WWTR1: variants seen among roughly 807,000 people sequenced by gnomAD.
The protein encoded by WWTR1 is WW domain-containing transcription regulator protein 1.
A neutral mutation model predicts 40.1 loss-of-function variants in WWTR1; 13 were observed. The observed-to-expected ratio is 0.32, with a 90% confidence interval of 0.21 to 0.52. The LOEUF (loss-of-function observed/expected upper bound fraction) is 0.52, where lower values mean the gene tolerates loss of function less well. WWTR1 is among the 20% of genes least tolerant of loss of function. The pLI is 0.97. For synonymous variants in WWTR1, 230 were observed against 210.1 expected (o/e 1.09, Z -0.82); for missense variants, 436 against 523.1 (o/e 0.83, Z 1.63).
chr3:149,620,335 C>T (rs1478620138), intron 2 of WWTR1, among the ~76,000 whole-genome samples: 1 of 152,146 alleles, frequency 6.6e-6, no homozygotes, highest in Non-Finnish European at 1.5e-5. Context: ...ACCTGAGGAT[C>T]TAACTGGATC....
At chr3:149,717,707 G>A (rs1439528597) in intron 4 of WWTR1, 1 of 152,186 alleles carries the variant, frequency 6.6e-6, no homozygotes, top group African/African-American at 2.4e-5. Context: ...GAAAGACTTT[G>A]AAAATTTCCT....
intron 4 of WWTR1, among the ~76,000 whole-genome samples, chr3:149,539,458 C>T (rs1576545793): frequency 6.6e-6 from 1 of 152,132 alleles, no homozygotes; most frequent in East Asian, 1.9e-4. Context: ...CTAGGCCTAC[C>T]TGCAGGGCCT....
At chr3:149,557,444 G>C (rs1024589922) in intron 3 of WWTR1, among the ~76,000 whole-genome samples, 1 of 152,096 alleles carries the variant, frequency 6.6e-6, no homozygotes, top group Non-Finnish European at 1.5e-5. Context: ...GGGAAGTACA[G>C]GAGAACTCCC....
Position 149,520,826 on chromosome 3 carries a change from C to A in WWTR1, c.1182G>T (p.Glu394Asp), listed in dbSNP as rs1483683545. The A allele has an allele frequency of 3.7e-6, 6 of 1,600,590 alleles. No individual in the cohort carries two copies. The highest frequency in any genetic ancestry group is 5.1e-6 in the Non-Finnish European group (6 of 1,175,148). The change falls in exon 7 of 7, where the codon GAG becomes GAT. Residue 394 changes from glutamate to aspartate, a missense_variant. Physicochemically the swap from Glu to Asp is conservative, Grantham distance 45 (BLOSUM62 2). Transcript: ENST00000360632. ...GTGATTACAGCCAGGTTAGAAAGGGCTCACTTTTGTTCAGAGCAGACTCTA... is the reference window on the plus strand; with the variant it reads ...GTGATTACAGCCAGGTTAGAAAGGGATCACTTTTGTTCAGAGCAGACTCTA... ...NDVESALNKS[E>D]PFLTWL is the part of the protein sequence containing the mutation.
At chr3:149,627,397 G>C (rs1740615029) in intron 2 of WWTR1, among the ~76,000 whole-genome samples, 1 of 152,172 alleles carries the variant, frequency 6.6e-6, no homozygotes, top group South Asian at 2.1e-4. Context: ...GCAATGAGCA[G>C]AGGAACACGA....
rs1713303286 is a variant in WWTR1 at position 149,657,319 on chromosome 3, G to T, written c.-3-10C>A. The T allele has an allele frequency of 1.2e-6, 2 of 1,603,268 alleles. No homozygotes were observed. Among genetic ancestry groups the T allele is most frequent in the Non-Finnish European group, 1.7e-6 (2 of 1,174,256 alleles). ...AGGCCGGATTCATCTTCTGCAAAAA[G>T]AAGGTCAGATCAGCCTTTTATTTAA... On this transcript the variant is annotated splice_polypyrimidine_tract_variant and intron_variant, in intron 1 of 6. Transcript: ENST00000360632.
chr3:149,610,391 G>C (rs1375361538), intron 2 of WWTR1, among the ~76,000 whole-genome samples: 2 of 152,098 alleles, frequency 1.3e-5, no homozygotes, highest in Non-Finnish European at 2.9e-5. Flanking sequence ...CCAGGGCCTT[G>C]GGAAATAACT....
chr3:149,557,113 C>T (rs3890072), intron 3 of WWTR1, among the ~76,000 whole-genome samples: 6,694 of 129,250 alleles, frequency 0.052, 407 homozygotes, highest in East Asian at 0.19. Flanking sequence ...CTCTGTCACC[C>T]AGGCTGGAGT....
chr3:149,622,502 G>GAAGGAAGGAAGAAAGAAAGAAAGAAAGA (rs1553800283), intron 2 of WWTR1, among the ~76,000 whole-genome samples: 12 of 46,324 alleles, frequency 2.6e-4, no homozygotes, highest in Non-Finnish European at 3.9e-4. Context: ...AGGAAGGAAG[G>GAAGGAAGGAAGAAAGAAAGAAAGAAAGA]AAGAAAGAAA....
chr3:149,639,820 C>A (rs572571508), intron 2 of WWTR1, among the ~76,000 whole-genome samples: 197 of 151,728 alleles, frequency 1.3e-3, no homozygotes, highest in African/African-American at 4.7e-3. Context: ...GGTGAAATCC[C>A]ATCTCTACTA....
intron 4 of WWTR1, among the ~76,000 whole-genome samples, chr3:149,534,394 TA>T (rs1482996055): frequency 6.6e-6 from 1 of 152,108 alleles, no homozygotes; most frequent in Non-Finnish European, 1.5e-5. Context: ...CTGGGCAAGT[TA>T]CTTCACTTTT....
chr3:149,663,411 T>A (rs1221046233), intron 2 of WWTR1, among the ~76,000 whole-genome samples: 1 of 152,012 alleles, frequency 6.6e-6, no homozygotes, highest in Non-Finnish European at 1.5e-5. Context: ...AATTTCTTTA[T>A]GAGGTCAGGC....
intron 2 of WWTR1, among the ~76,000 whole-genome samples, chr3:149,637,285 G>T (rs971320348): frequency 6.6e-6 from 1 of 151,468 alleles, no homozygotes; most frequent in Non-Finnish European, 1.5e-5. Flanking sequence ...GAGTGCAGTG[G>T]CATGATCTCG....
chr3:149,597,506 G>A (rs531865414), intron 2 of WWTR1, among the ~76,000 whole-genome samples: 18 of 151,986 alleles, frequency 1.2e-4, no homozygotes, highest in South Asian at 6.2e-4. Flanking sequence ...CTATCTAGGC[G>A]TGGCAGCGCA....
chr3:149,562,865 G>C (rs997695343), intron 3 of WWTR1, among the ~76,000 whole-genome samples: 6 of 152,124 alleles, frequency 3.9e-5, no homozygotes, highest in African/African-American at 1.4e-4. Context: ...AAATCAATCA[G>C]TTGGTACCTG....
chr3:149,570,979 T>C (rs1011753310), intron 3 of WWTR1, among the ~76,000 whole-genome samples: 12 of 152,332 alleles, frequency 7.9e-5, no homozygotes, highest in African/African-American at 2.9e-4. Flanking sequence ...AAACTAATTA[T>C]AGCATATTAA....
intron 2 of WWTR1, among the ~76,000 whole-genome samples, chr3:149,615,268 A>AT (rs764848662): frequency 9.2e-5 from 14 of 152,168 alleles, no homozygotes; most frequent in East Asian, 1.9e-4. Flanking sequence ...GGTTTCAACC[A>AT]TTTTTTTATA....
chr3:149,576,763 T>G (rs74487584), intron 2 of WWTR1, among the ~76,000 whole-genome samples: 2,323 of 152,214 alleles, frequency 0.015, 33 homozygotes, highest in Admixed American at 0.024. Context: ...TTTTTTTTTC[T>G]TATCTAAACT....
intron 4 of WWTR1, among the ~76,000 whole-genome samples, chr3:149,719,891 G>T (rs532917254): frequency 6.6e-6 from 1 of 152,146 alleles, no homozygotes; most frequent in African/African-American, 2.4e-5. Context: ...TGCATGTGCT[G>T]ATTGGCCATT....
Sources: allele counts gnomAD v4.1 joint callset (sites outside exome capture counted in the v4.1 genomes callset), GRCh38; gene constraint gnomAD v4.1.1; transcripts MANE v1.5; gene names NCBI Gene and HGNC (gene_info 2026-07-23, HGNC 2026-07-21).